FGD4: variants seen among roughly 807,000 people sequenced by gnomAD.
FGD4 encodes the protein FYVE, RhoGEF and PH domain-containing protein 4.
Under a neutral mutation model 102.0 loss-of-function variants are expected in FGD4, and 42 were observed. The ratio of observed to expected loss-of-function variants is 0.41; its 90% CI spans 0.32 to 0.53. The LOEUF (loss-of-function observed/expected upper bound fraction) is 0.53, where lower values mean the gene tolerates loss of function less well. FGD4 is among the 20% of genes least tolerant of loss of function. The probability of loss-of-function intolerance (pLI) is 0.21; values close to 1 mark genes in which losing one functional copy is unlikely to be tolerated. For synonymous variants in FGD4, 380 were observed against 375.7 expected (o/e 1.01, Z -0.13); for missense variants, 902 against 1,078.2 (o/e 0.84, Z 2.29).
rs1300155295 is a variant in FGD4, at chr12:32,643,850, T to C, written c.*3317T>C. ...TCCTTACTTTTTGGAAACAGGGTGG[T>C]TGCTTTTATTTGTTTTCTGGTTATA... On this transcript the variant is annotated 3_prime_UTR_variant, in exon 17 of 17. Coordinates refer to ENST00000534526, the MANE Select transcript of FGD4 (RefSeq NM_001370298.3). The C allele has an allele frequency of 2.0e-5, 3 of 152,094 alleles. No homozygotes were observed. Among genetic ancestry groups the C allele is most frequent in the African/African-American group, 7.2e-5 (3 of 41,440 alleles). 9.4% of individuals were successfully genotyped at this position (152,094 alleles called of 1,614,324 possible).
chr12:32,429,378 T>C (rs2136432565), intron 1 of FGD4, among the ~76,000 whole-genome samples: 1 of 152,304 alleles, frequency 6.6e-6, no homozygotes, highest in Admixed American at 6.5e-5. Flanking sequence ...CAAAGATTGC[T>C]CCCTCTTCCT....
intron 2 of FGD4, among the ~76,000 whole-genome samples, chr12:32,569,253 C>T (rs1945447602): frequency 6.6e-6 from 1 of 152,130 alleles, no homozygotes; most frequent in South Asian, 2.1e-4. Context: ...CCCTGTTTTC[C>T]TCTACATTCT....
intron 1 of FGD4, among the ~76,000 whole-genome samples, chr12:32,547,947 C>T (rs1482143975): frequency 1.3e-5 from 2 of 152,166 alleles, no homozygotes; most frequent in Non-Finnish European, 2.9e-5. Flanking sequence ...CTCAAGTGAT[C>T]CACCTGCCTC....
rs139514852 is a variant in FGD4 at position 32,407,541 on chromosome 12, C to T, written c.166+7582C>T. 3.5e-3 allele frequency among the ~76,000 whole-genome samples: 538 copies of T among 152,262 alleles called. 4 individuals carry two copies. Among genetic ancestry groups the T allele is most frequent in the Non-Finnish European group, 6.2e-3 (424 of 68,022 alleles). On this transcript the variant is annotated intron_variant, in intron 1 of 16. Transcript: ENST00000534526. ...CACTTTGGTCCTGAGGACAGGTTGC[C>T]GAGATTTGCAGGAATAAGACAAGGA...
intron 1 of FGD4, among the ~76,000 whole-genome samples, chr12:32,443,895 T>C (rs576341796): frequency 2.0e-5 from 3 of 152,108 alleles, no homozygotes; most frequent in Non-Finnish European, 2.9e-5. Flanking sequence ...AAAACCAAAC[T>C]CAAGCAATAA....
intron 1 of FGD4, among the ~76,000 whole-genome samples, chr12:32,538,180 G>T (rs916978376): frequency 5.9e-5 from 9 of 152,182 alleles, no homozygotes; most frequent in African/African-American, 2.2e-4. Context: ...TTACAGGTGT[G>T]AGCCACTGTG....
chr12:32,512,624 G>A (rs888194450), intron 1 of FGD4, among the ~76,000 whole-genome samples: 1 of 152,134 alleles, frequency 6.6e-6, no homozygotes. Flanking sequence ...AAAGACCCAG[G>A]TGGGTGAGCA....
intron 15 of FGD4, among the ~76,000 whole-genome samples, chr12:32,637,250 AG>A (rs1950890556): frequency 6.6e-6 from 1 of 151,756 alleles, no homozygotes. Flanking sequence ...TCTATGTATT[AG>A]TCTGTACTCA....
intron 1 of FGD4, among the ~76,000 whole-genome samples, chr12:32,546,981 G>C (rs1042633882): frequency 6.6e-6 from 1 of 152,136 alleles, no homozygotes; most frequent in African/African-American, 2.4e-5. Context: ...TTGATGCCCT[G>C]GGTATTTTGA....
At chr12:32,562,741 G>C (rs988710925) in intron 1 of FGD4, among the ~76,000 whole-genome samples, 1 of 152,176 alleles carries the variant, frequency 6.6e-6, no homozygotes, top group Non-Finnish European at 1.5e-5. Flanking sequence ...AAAGGTCACC[G>C]ATCAACAGGA....
At chr12:32,630,226 G>C (rs1282095745) in intron 14 of FGD4, among the ~76,000 whole-genome samples, 1 of 152,174 alleles carries the variant, frequency 6.6e-6, no homozygotes, top group Non-Finnish European at 1.5e-5. Context: ...ATTATTTGCT[G>C]TATTTTTGTC....
chr12:32,538,678 G>A (rs1311602183), intron 1 of FGD4, among the ~76,000 whole-genome samples: 1 of 152,130 alleles, frequency 6.6e-6, no homozygotes, highest in Non-Finnish European at 1.5e-5. Context: ...AGATGAGGGA[G>A]AAGCTTTGGG....
chr12:32,585,982 C>T (rs532505668), intron 4 of FGD4, among the ~76,000 whole-genome samples: 5 of 151,766 alleles, frequency 3.3e-5, no homozygotes, highest in African/African-American at 7.2e-5. Flanking sequence ...ATCAAAGATA[C>T]GCTGGGATGG....
intron 1 of FGD4, among the ~76,000 whole-genome samples, chr12:32,501,501 T>A (rs564211000): frequency 6.6e-6 from 1 of 152,268 alleles, no homozygotes; most frequent in African/African-American, 2.4e-5. Flanking sequence ...AGTATAAAAT[T>A]AAGATATTTT....
chr12:32,483,791 C>T (rs1047745906), intron 1 of FGD4, among the ~76,000 whole-genome samples: 1 of 152,138 alleles, frequency 6.6e-6, no homozygotes, highest in African/African-American at 2.4e-5. Flanking sequence ...ACACACCCAG[C>T]CCTTAGCTGA....
chr12:32,536,386 T>C (rs1942264371), intron 1 of FGD4, among the ~76,000 whole-genome samples: 1 of 152,220 alleles, frequency 6.6e-6, no homozygotes, highest in Non-Finnish European at 1.5e-5. Context: ...CAGGGAAAAG[T>C]TGAAGTCATT....
At chr12:32,545,222 C>G (rs930064340) in intron 1 of FGD4, among the ~76,000 whole-genome samples, 1 of 152,138 alleles carries the variant, frequency 6.6e-6, no homozygotes, top group Non-Finnish European at 1.5e-5. Context: ...GAAGATTATA[C>G]CATATAACAC....
Position 32,626,213 on chromosome 12 carries a change from G to A in FGD4, c.2172+434G>A, listed in dbSNP as rs1351035797. 2.6e-5 allele frequency among the ~76,000 whole-genome samples: 4 copies of A among 152,318 alleles called. No individual in the cohort carries two copies. The East Asian group carries it at 5.8e-4, about 22-fold the overall frequency. ...TAATCCCAGCACTTTGGGAGGCCGA[G>A]GCAGGCAGATCACCTGAGGTCAGGA... is the stretch of plus-strand genomic sequence containing the variant. On this transcript the variant is annotated intron_variant, in intron 14 of 16. Coordinates refer to ENST00000534526, the MANE Select transcript of FGD4 (RefSeq NM_001370298.3).
At chr12:32,412,813 C>T (rs1361134028) in intron 1 of FGD4, among the ~76,000 whole-genome samples, 1 of 151,674 alleles carries the variant, frequency 6.6e-6, no homozygotes, top group African/African-American at 2.4e-5. Context: ...ATCTCTAGAC[C>T]TCGTGATCTG....
Sources: allele counts gnomAD v4.1 joint callset (sites outside exome capture counted in the v4.1 genomes callset), GRCh38; gene constraint gnomAD v4.1.1; transcripts MANE v1.5; gene names NCBI Gene and HGNC (gene_info 2026-07-23, HGNC 2026-07-21).